The following ADGRB1 variants were observed in gnomAD, a reference collection of about 807,000 sequenced individuals.
The protein encoded by ADGRB1 is brain-specific angiogenesis inhibitor 1.
A neutral mutation model predicts 175.7 loss-of-function variants in ADGRB1; 36 were observed. The ratio of observed to expected loss-of-function variants is 0.20; its 90% confidence interval spans 0.16 to 0.27. The LOEUF (loss-of-function observed/expected upper bound fraction) is 0.27. Ranked by LOEUF, ADGRB1 falls within the 10% of genes least tolerant of loss-of-function variation. The probability of loss-of-function intolerance (pLI) is 1.00; values close to 1 mark genes in which losing one functional copy is unlikely to be tolerated. For synonymous variants in ADGRB1, 1,054 were observed against 979.4 expected, an observed-to-expected ratio of 1.08 and a Z score of -1.42; for missense variants, 1,731 against 2,255.3, an observed-to-expected ratio of 0.77 and a Z score of 4.71.
At chr8:142,513,559 T>C (rs1843221225) in intron 18 of ADGRB1, among the ~76,000 whole-genome samples, 1 of 152,128 alleles carries the variant, frequency 6.6e-6, no homozygotes, top group Non-Finnish European at 1.5e-5. Flanking sequence ...CTCTGAGGGC[T>C]GTGGGCTGGG....
At chr8:142,468,833 C>T (rs1840425596) in intron 2 of ADGRB1, among the ~76,000 whole-genome samples, 1 of 152,244 alleles carries the variant, frequency 6.6e-6, no homozygotes, top group African/African-American at 2.4e-5. Context: ...TGTCACCTCT[C>T]AACACACTGC....
chr8:142,451,630 G>C (rs1361311506), intron 1 of ADGRB1, among the ~76,000 whole-genome samples: 1 of 152,154 alleles, frequency 6.6e-6, no homozygotes, highest in East Asian at 1.9e-4. Flanking sequence ...AACCCACGGA[G>C]ACCCTCGGTA....
chr8:142,495,161 G>T (rs950364856), intron 17 of ADGRB1, among the ~76,000 whole-genome samples: 2 of 152,202 alleles, frequency 1.3e-5, no homozygotes, highest in African/African-American at 4.8e-5. Context: ...ACAAGCGGGG[G>T]TGTGGATAAT....
intron 17 of ADGRB1, among the ~76,000 whole-genome samples, chr8:142,499,932 G>A (rs1447431859): frequency 6.6e-6 from 1 of 150,990 alleles, no homozygotes; most frequent in Non-Finnish European, 1.5e-5. Context: ...TTGGGCCCAA[G>A]TGGAGCGACC....
chr8:142,469,741 ATGTG>A (rs962211501), intron 2 of ADGRB1, among the ~76,000 whole-genome samples: 1 of 150,840 alleles, frequency 6.6e-6, no homozygotes, highest in Non-Finnish European at 1.5e-5. Flanking sequence ...ATGTGTGTGA[ATGTG>A]TGAGTGCCTG....
chr8:142,473,222 T>C (rs1326904165), intron 2 of ADGRB1, among the ~76,000 whole-genome samples: 1 of 152,130 alleles, frequency 6.6e-6, no homozygotes. Context: ...TCCACGTCAC[T>C]CAGGCTTCCG....
intron 3 of ADGRB1, among the ~76,000 whole-genome samples, chr8:142,476,258 C>A (rs967699366): frequency 6.6e-6 from 1 of 152,136 alleles, no homozygotes; most frequent in African/African-American, 2.4e-5. Context: ...GGGAGGGCCC[C>A]GGGGCATCGG....
chr8:142,538,532 T>C (rs1238899646), intron 26 of ADGRB1, among the ~76,000 whole-genome samples: 1 of 152,222 alleles, frequency 6.6e-6, no homozygotes, highest in Non-Finnish European at 1.5e-5. Context: ...GGGAAGATTT[T>C]GTTGTCTCCA....
rs562785492 is a variant in ADGRB1 at position 142,471,409 on chromosome 8, G to A, written c.785-4065G>A. ...GAGCTGGCAGCAGACAACCGGGGTC[G>A]GGGCCCGGGCGGTGGGCAGAGACTT... On this transcript the variant is annotated intron_variant, in intron 2 of 30. Coordinates refer to ENST00000517894, the MANE Select transcript of ADGRB1 (RefSeq NM_001702.3). Among the ~76,000 whole-genome samples the A allele has an allele frequency of 5.9e-5, 9 of 152,314 alleles. No homozygotes were observed. The South Asian group carries it at 8.3e-4, about 14-fold the overall frequency.
chr8:142,535,235 G>GGGGCTCCAGGGAGGCAGAGCCCA (rs1844856429), intron 25 of ADGRB1, among the ~76,000 whole-genome samples: 1 of 152,158 alleles, frequency 6.6e-6, no homozygotes, highest in African/African-American at 2.4e-5. Context: ...GCGGAGAGGA[G>GGGGCTCCAGGGAGGCAGAGCCCA]GGGCTCCAGG....
rs376764904 is a variant in ADGRB1, at chr8:142,524,210, C to T, written c.3246-28C>T. 2.6e-5 allele frequency: 42 copies of T among 1,589,866 alleles called. No homozygotes were observed. In the East Asian group the frequency reaches 8.3e-4, roughly 31 times the overall value. On this transcript the variant is annotated intron_variant, in intron 22 of 30. Transcript: ENST00000517894. ...CTCTGCACGCCCCTCTGCACACGGG[C>T]GGTGCTGATGGCCTGTCTCCTCCCC...
intron 19 of ADGRB1, 64 bp from the exon 20 acceptor site, chr8:142,520,759 C>G: frequency 1.1e-5 from 16 of 1,435,304 alleles, no homozygotes; most frequent in Non-Finnish European, 1.6e-5. Context: ...TGCCACAGGA[C>G]CACAGCCCCT....
chr8:142,521,296 C>T (rs1000379216), intron 20 of ADGRB1, among the ~76,000 whole-genome samples: 2 of 152,146 alleles, frequency 1.3e-5, no homozygotes, highest in African/African-American at 4.8e-5. Flanking sequence ...GAGGCTCCCA[C>T]GGTCCACCCT....
Position 142,511,791 on chromosome 8 carries a change from C to CCT in ADGRB1, c.2817+721_2817+722dup, listed in dbSNP as rs1843120183. On this transcript the variant is annotated intron_variant, in intron 18 of 30. Transcript: ENST00000517894. The surrounding 1 kb of genome is among the most constrained non-coding windows in gnomAD (Gnocchi z 4.5). ...CCCCTGGCCTGAGGTGGGCCACAGC[C>CCT]CTCTACTGGGGCCCAGGCCGAGGCC... Among the ~76,000 whole-genome samples the CCT allele has an allele frequency of 6.6e-6, 1 of 152,216 alleles. No homozygotes were observed. The highest frequency in any genetic ancestry group is 2.4e-5 in the African/African-American group (1 of 41,456).
rs902220249 is a variant in ADGRB1 at position 142,484,460 on chromosome 8, A to G, written c.2200-196A>G. Among the ~76,000 whole-genome samples the G allele has an allele frequency of 2.6e-5, 4 of 152,182 alleles. No individual in the cohort carries two copies. The East Asian group carries it at 7.7e-4, about 29-fold the overall frequency. ...GACTTTCCCCAATCCTGGGCTTCCC[A>G]TGGGTGGGGCACAGCAGCCCCTCTG... On this transcript the variant is annotated intron_variant, in intron 12 of 30. Transcript: ENST00000517894.
rs1406124083 is a variant in ADGRB1, at chr8:142,474,797, G to C, written c.785-677G>C. ...GCGGCCGGGGTCAGGGCAGGGGCGT[G>C]GCGGGGAGGCGCCTGCAGGCATTTA... is the stretch of plus-strand genomic sequence containing the variant. On this transcript the variant is annotated intron_variant, in intron 2 of 30. Transcript: ENST00000517894. The surrounding 1 kb of genome is among the most constrained non-coding windows in gnomAD (Gnocchi z 5.8). Among the ~76,000 whole-genome samples, 5 of 152,148 alleles carry C rather than the reference G, an allele frequency of 3.3e-5. No individual in the cohort carries two copies. The highest frequency in any genetic ancestry group is 1.2e-4 in the African/African-American group (5 of 41,434).
Position 142,542,489 on chromosome 8 carries a change from C to T in ADGRB1, c.4255C>T (p.Pro1419Ser), listed in dbSNP as rs1304499081. Residue 1419 changes from proline (P) to serine (S), a missense_variant, in exon 28 of 31, where the codon CCA (proline) becomes TCA (serine). By Grantham distance (74) the Pro-to-Ser change is moderately conservative. Around this residue, in one of 8 missense-constraint regions of ADGRB1, gnomAD observed 394 missense variants for 410.2 expected, o/e 0.96. Coordinates refer to ENST00000517894, the MANE Select transcript of ADGRB1 (RefSeq NM_001702.3). The surrounding 1 kb of genome is among the most constrained non-coding windows in gnomAD (Gnocchi z 6.3). Reference sequence around the variant, plus strand: ...GCCCCCACCGCCTCCGCCCCCACCGCCACCACCTCCCCAGCAGCCCCTGCC... The same window carrying T: ...GCCCCCACCGCCTCCGCCCCCACCGTCACCACCTCCCCAGCAGCCCCTGCC... Reference protein sequence around the residue: ...AQPPPPPPPPPPPPQQPLPPP... With the variant: ...AQPPPPPPPPSPPPQQPLPPP... 1 of 1,352,310 alleles carries T rather than the reference C, an allele frequency of 7.4e-7. No individual in the cohort carries two copies. Among genetic ancestry groups the T allele is most frequent in the Non-Finnish European group, 9.6e-7 (1 of 1,042,374 alleles). The allele number at this position is 1,352,310 out of a possible 1,614,324, so 83.8% of individuals were successfully genotyped here.
At chr8:142,536,690 C>T (rs1392464398) in intron 25 of ADGRB1, among the ~76,000 whole-genome samples, 1 of 151,630 alleles carries the variant, frequency 6.6e-6, no homozygotes, top group South Asian at 2.1e-4. Context: ...GGCAGGTTCT[C>T]GCAGGCGGAC....
rs1172859337 is a variant in ADGRB1, at chr8:142,474,267, C to G, written c.785-1207C>G. 6.6e-6 allele frequency among the ~76,000 whole-genome samples: 1 copy of G among 152,134 alleles called. No individual in the cohort carries two copies. Among genetic ancestry groups the G allele is most frequent in the Non-Finnish European group, 1.5e-5 (1 of 67,996 alleles). ...CTGATTGCTGCCCCTGGGGCCTCCCCTGCTGTACCTGGGATCGAGCTGCCG... is the reference window on the plus strand; with the variant it reads ...CTGATTGCTGCCCCTGGGGCCTCCCGTGCTGTACCTGGGATCGAGCTGCCG... On this transcript the variant is annotated intron_variant, in intron 2 of 30. Transcript: ENST00000517894. The surrounding 1 kb of genome is among the most constrained non-coding windows in gnomAD (Gnocchi z 5.8).
Sources: gnomAD v4.1 joint callset for allele counts (sites outside exome capture counted in the v4.1 genomes callset) on GRCh38, gnomAD v4.1.1 for gene constraint, gnomAD v4.1.1 regional missense constraint, Gnocchi (gnomAD v3.1) non-coding constraint, MANE v1.5 for transcripts, NCBI Gene and HGNC (gene_info 2026-07-23, HGNC 2026-07-21) for gene names.